The following MYRIP variants were observed in gnomAD, a reference collection of about 807,000 sequenced individuals.
MYRIP encodes myosin VIIA and Rab interacting protein, also known as rab effector MyRIP.
In MYRIP, 49 loss-of-function variants were observed where a neutral mutation model predicts 98.0. The observed-to-expected ratio is 0.50, with a 90% CI of 0.40 to 0.63. The LOEUF (loss-of-function observed/expected upper bound fraction) is 0.63. Among genes scored for constraint, MYRIP ranks in the 30% least tolerant of loss-of-function variants. The pLI, the probability that MYRIP is intolerant of heterozygous loss-of-function variation, is 0.00. For missense variants in MYRIP, 1,004 were observed against 1,058.2 expected (o/e 0.95, Z 0.71); for synonymous variants, 404 against 409.5 (o/e 0.99, Z 0.16).
At chr3:40,022,353 T>C (rs1450358713) in intron 2 of MYRIP, among the ~76,000 whole-genome samples, 3 of 152,174 alleles carry the variant, frequency 2.0e-5, no homozygotes, top group African/African-American at 7.2e-5. Context: ...ATGGCAGAAC[T>C]AGAGACTTGG....
At chr3:39,820,379 T>G (rs1196477615) in intron 1 of MYRIP, among the ~76,000 whole-genome samples, 1 of 113,100 alleles carries the variant, frequency 8.8e-6, no homozygotes, top group African/African-American at 3.6e-5. Flanking sequence ...CTTTACATGA[T>G]GGTTTTGTTT....
chr3:40,169,923 G>T, intron 7 of MYRIP, 27 bp from the exon 8 acceptor site: 1 of 1,613,942 alleles, frequency 6.2e-7, no homozygotes, highest in Admixed American at 1.7e-5. Flanking sequence ...CCAATAACTT[G>T]CCCCTTTTTT....
intron 2 of MYRIP, among the ~76,000 whole-genome samples, chr3:39,925,257 A>G (rs11717034): frequency 0.26 from 39,644 of 151,932 alleles, 5,694 homozygotes; most frequent in Middle Eastern, 0.37. Context: ...CACCGAGGAC[A>G]CAGACAATAT....
intron 3 of MYRIP, among the ~76,000 whole-genome samples, chr3:40,053,375 C>G (rs1947829050): frequency 6.6e-6 from 1 of 152,078 alleles, no homozygotes; most frequent in South Asian, 2.1e-4. Flanking sequence ...TCAAAGTGAC[C>G]CTAAGTGACC....
At chr3:40,256,655 G>GTCAAATCAGAA (rs1230816119) in intron 16 of MYRIP, among the ~76,000 whole-genome samples, 2 of 151,406 alleles carry the variant, frequency 1.3e-5, no homozygotes, top group African/African-American at 2.4e-5. Flanking sequence ...ATCAATACTA[G>GTCAAATCAGAA]TCAAATCAGA....
intron 1 of MYRIP, among the ~76,000 whole-genome samples, chr3:39,836,603 C>A (rs993504050): frequency 6.6e-6 from 1 of 152,102 alleles, no homozygotes; most frequent in African/African-American, 2.4e-5. Flanking sequence ...AGACCCCTGA[C>A]CCGGCGACAG....
intron 8 of MYRIP, among the ~76,000 whole-genome samples, chr3:40,171,876 G>A (rs1418695538): frequency 1.3e-5 from 2 of 152,222 alleles, no homozygotes; most frequent in African/African-American, 2.4e-5. Flanking sequence ...AAAGAGGTTT[G>A]ACTCACGGTT....
At chr3:39,895,916 GGTGTGTGT>G (rs10577583) in intron 1 of MYRIP, among the ~76,000 whole-genome samples, 1,865 of 150,028 alleles carry the variant, frequency 0.012, 42 homozygotes, top group African/African-American at 0.043. Flanking sequence ...GTGTGTGTGT[GGTGTGTGT>G]GTGTGTGTGT....
chr3:40,006,811 T>G (rs1946645725), intron 2 of MYRIP, among the ~76,000 whole-genome samples: 1 of 152,244 alleles, frequency 6.6e-6, no homozygotes, highest in South Asian at 2.1e-4. Context: ...GGAAAACTGC[T>G]GTGGATGTGT....
intron 1 of MYRIP, among the ~76,000 whole-genome samples, chr3:39,834,604 G>A (rs971459778): frequency 2.0e-5 from 3 of 152,020 alleles, no homozygotes; most frequent in African/African-American, 7.2e-5. Flanking sequence ...TGATGCTGTG[G>A]CATTTCCAAT....
chr3:40,075,415 A>T (rs1479393170), intron 3 of MYRIP, among the ~76,000 whole-genome samples: 1 of 152,198 alleles, frequency 6.6e-6, no homozygotes, highest in Non-Finnish European at 1.5e-5. Flanking sequence ...ACTGAAGTAG[A>T]TCCACCTGTC....
intron 5 of MYRIP, among the ~76,000 whole-genome samples, chr3:40,163,927 A>G (rs1162751318): frequency 6.6e-6 from 1 of 152,132 alleles, no homozygotes; most frequent in African/African-American, 2.4e-5. Context: ...CAGCTTCTCC[A>G]TAGGTTACCA....
intron 1 of MYRIP, among the ~76,000 whole-genome samples, chr3:39,874,553 G>T (rs563634500): frequency 6.6e-5 from 10 of 152,150 alleles, no homozygotes; most frequent in African/African-American, 1.2e-4. Context: ...AGTATGAAGG[G>T]TTGTTGAATT....
intron 1 of MYRIP, among the ~76,000 whole-genome samples, chr3:39,853,648 G>A (rs1161770438): frequency 6.6e-5 from 10 of 152,004 alleles, no homozygotes; most frequent in Non-Finnish European, 8.8e-5. Context: ...TGTGGATCCT[G>A]GATATTAGTT....
chr3:40,042,320 C>T (rs1411732970), intron 2 of MYRIP, among the ~76,000 whole-genome samples: 2 of 147,274 alleles, frequency 1.4e-5, no homozygotes, highest in Non-Finnish European at 3.0e-5. Flanking sequence ...GAGAGCCAAC[C>T]TTCAACCCAC....
At chr3:40,099,478 T>C (rs1227891689) in intron 3 of MYRIP, among the ~76,000 whole-genome samples, 6 of 151,912 alleles carry the variant, frequency 3.9e-5, no homozygotes, top group African/African-American at 1.5e-4. Flanking sequence ...AGAAGCAAAA[T>C]AATTTGCCTG....
intron 3 of MYRIP, among the ~76,000 whole-genome samples, chr3:40,133,568 G>T (rs1949693252): frequency 6.6e-6 from 1 of 152,184 alleles, no homozygotes; most frequent in Admixed American, 6.5e-5. Context: ...GGGGAAATAA[G>T]TAGAAAGTAT....
chr3:40,044,652 A>T (rs1337933614), intron 3 of MYRIP, among the ~76,000 whole-genome samples: 1 of 152,180 alleles, frequency 6.6e-6, no homozygotes, highest in East Asian at 1.9e-4. Flanking sequence ...AATTAGGCCA[A>T]TTATGAGTGA....
Position 40,233,937 on chromosome 3 carries a change from G to A in MYRIP, c.1984G>A (p.Gly662Arg). 1 of 1,613,962 alleles carries A rather than the reference G, an allele frequency of 6.2e-7. No homozygotes were observed. Among genetic ancestry groups the A allele is most frequent in the Non-Finnish European group, 8.5e-7 (1 of 1,179,952 alleles). Residue 662 changes from glycine to arginine, a missense_variant, in exon 12 of 17, where the codon GGA (glycine) becomes AGA (arginine). Coordinates refer to ENST00000302541, the MANE Select transcript of MYRIP (RefSeq NM_015460.4). ...VINATEELIA[G>R]STGPWESPQV... is the part of the protein sequence containing the mutation. ...CAATGCCACAGAGGAGTTGATAGCA[G>A]GATCTACAGGGCCCTGGGAGTCCCC... is the stretch of plus-strand genomic sequence containing the variant.
Sources: allele counts gnomAD v4.1 joint callset (sites outside exome capture counted in the v4.1 genomes callset), GRCh38; gene constraint gnomAD v4.1.1; transcripts MANE v1.5; gene names NCBI Gene and HGNC (gene_info 2026-07-23, HGNC 2026-07-21).